PCM1: variants seen among roughly 807,000 people sequenced by gnomAD.
The protein encoded by PCM1 is pericentriolar material 1 protein.
A neutral mutation model predicts 241.9 loss-of-function variants in PCM1; 157 were observed. The ratio of observed to expected loss-of-function variants is 0.65; its 90% confidence interval spans 0.57 to 0.74. PCM1 has a LOEUF of 0.74. Ranked by LOEUF, PCM1 falls within the 30% of genes least tolerant of loss-of-function variation. The probability of loss-of-function intolerance (pLI) is 0.00; values close to 1 mark genes in which losing one functional copy is unlikely to be tolerated. For missense variants in PCM1, 3,478 were observed against 2,360.1 expected (o/e 1.47, Z -9.81); for synonymous variants, 1,085 against 784.9 (o/e 1.38, Z -6.39).
chr8:17,953,022 G>C lies in PCM1; in HGVS notation c.1124G>C (p.Arg375Thr), dbSNP rs537323704. The change falls in exon 9 of 39, where the codon AGG (arginine) becomes ACG (threonine). Residue 375 changes from arginine to threonine, a missense_variant. Coordinates refer to ENST00000325083, the MANE Select transcript of PCM1 (RefSeq NM_006197.4). ...CAGGCAGAAAGTCTTTCATTAACTA[G>C]GGAGGTTTCCCAGAGCAGGAAACCA... ...RRQAESLSLT[R>T]EVSQSRKPSA... is the part of the protein sequence containing the mutation. The C allele has an allele frequency of 4.0e-5, 64 of 1,608,516 alleles. No homozygotes were observed. In the South Asian group the frequency reaches 6.6e-4, roughly 17 times the overall value.
At chr8:17,981,195 C>G (rs1013187500) in intron 24 of PCM1, among the ~76,000 whole-genome samples, 1 of 152,164 alleles carries the variant, frequency 6.6e-6, no homozygotes, top group African/African-American at 2.4e-5. Context: ...CTGCCTTGAA[C>G]TTTTTTCTTT....
chr8:17,980,633 A>T lies in PCM1; in HGVS notation c.3986A>T (p.Lys1329Ile), dbSNP rs1302732964. The change falls in exon 24 of 39, where the codon AAA becomes ATA. Residue 1329 changes from lysine to isoleucine, a missense_variant. Physicochemically the swap from Lys to Ile is moderately radical, Grantham distance 102 (BLOSUM62 -3). Transcript: ENST00000325083. ...ATGTCTAGCACATGTGAACCTTGCA[A>T]AAGTAGGAACAGACATTCAGCCCAG... is the stretch of plus-strand genomic sequence containing the variant. Reference protein sequence around the residue: ...ASMSSTCEPCKSRNRHSAQTE... With the variant: ...ASMSSTCEPCISRNRHSAQTE... 3 of 1,612,946 alleles carry T rather than the reference A, an allele frequency of 1.9e-6. No individual in the cohort carries two copies. The African/African-American group carries it at 4.0e-5, about 22-fold the overall frequency.
chr8:18,013,748 C>G, intron 34 of PCM1: 1 of 426,166 alleles, frequency 2.3e-6, no homozygotes, highest in Non-Finnish European at 4.2e-6. Context: ...TTGTATTATA[C>G]TGTGTGTGTG....
In PCM1 at chr8:17,969,847, G is replaced by A. The variant is rs1564042756; in HGVS notation, c.3584+99G>A. The A allele has an allele frequency of 3.3e-6, 3 of 902,374 alleles. No individual in the cohort carries two copies. The East Asian group carries it at 7.7e-5, about 23-fold the overall frequency. 55.9% of individuals were successfully genotyped at this position (902,374 alleles called of 1,614,324 possible). A position where few individuals can be genotyped will look rare whatever the true frequency, so the allele number is the denominator to read the frequency against. ...AAACACAACTAGGGAGGACGTTTGT[G>A]ATGATTTGGCTTGATGATGTTGGAA... On this transcript the variant is annotated intron_variant, in intron 22 of 38. Transcript: ENST00000325083.
chr8:17,962,770 GT>G (rs2073054680), intron 16 of PCM1, among the ~76,000 whole-genome samples: 1 of 150,198 alleles, frequency 6.7e-6, no homozygotes, highest in Non-Finnish European at 1.5e-5. Flanking sequence ...AGGTGTAGTG[GT>G]GGGCGCCTGT....
At chr8:17,948,922 G>A (rs1394012568) in intron 7 of PCM1, among the ~76,000 whole-genome samples, 1 of 152,124 alleles carries the variant, frequency 6.6e-6, no homozygotes, top group Non-Finnish European at 1.5e-5. Context: ...GTTAGTCAGA[G>A]CTTTAATTCT....
chr8:17,948,743 G>A (rs1392147480), intron 7 of PCM1, among the ~76,000 whole-genome samples: 3 of 152,062 alleles, frequency 2.0e-5, no homozygotes, highest in Non-Finnish European at 4.4e-5. Flanking sequence ...AGATAATTTA[G>A]GAAAAGATAA....
rs1242232084 is a variant in PCM1 at position 18,006,274 on chromosome 8, T to G, written c.4839T>G (p.Asp1613Glu). The G allele has an allele frequency of 1.2e-6, 2 of 1,608,262 alleles. No individual in the cohort carries two copies. The highest frequency in any genetic ancestry group is 1.7e-5 in the Admixed American group (1 of 59,248). ...EVIPFLKEHM[D>E]EVCSSQLLTS... The stretch of plus-strand genomic sequence containing the variant: ...AGGATTTTTCTCAGGAGCACATGGA[T>G]GAAGTATGCTCCTCGCAGCTTCTAA... Residue 1613 changes from aspartate to glutamate, a missense_variant, in exon 30 of 39, where the codon GAT becomes GAG. Physicochemically the swap from Asp to Glu is conservative, Grantham distance 45 (BLOSUM62 2). Coordinates refer to ENST00000325083, the MANE Select transcript of PCM1 (RefSeq NM_006197.4).
At chr8:17,926,133 T>C (rs1300826203) in intron 2 of PCM1, 1 of 152,126 alleles carries the variant, frequency 6.6e-6, no homozygotes, top group Non-Finnish European at 1.5e-5. Flanking sequence ...TTTAGTAAAA[T>C]AAACAATAAT....
chr8:17,930,601 G>A (rs1172013171), intron 2 of PCM1, among the ~76,000 whole-genome samples: 6 of 151,810 alleles, frequency 4.0e-5, no homozygotes, highest in South Asian at 4.2e-4. Context: ...GAATGTGGCC[G>A]GGTGCGGTGG....
At chr8:17,997,299 C>T (rs1280142178) in intron 29 of PCM1, among the ~76,000 whole-genome samples, 3 of 152,116 alleles carry the variant, frequency 2.0e-5, no homozygotes, top group Admixed American at 2.0e-4. Flanking sequence ...TTTCTTTTCT[C>T]TTGCTGCTTT....
chr8:18,011,150 A>G (rs2092439872), intron 32 of PCM1, 87 bp from the exon 33 acceptor site: 1 of 818,800 alleles, frequency 1.2e-6, no homozygotes, highest in Non-Finnish European at 1.7e-6. Flanking sequence ...TTATTAGATA[A>G]TGATCATTAT....
chr8:17,983,234 A>T (rs1314966012), intron 24 of PCM1: 1 of 1,319,664 alleles, frequency 7.6e-7, no homozygotes, highest in Admixed American at 2.3e-5. Context: ...TTCCTACAGC[A>T]CATGCTAGGA....
At chr8:17,992,539 A>G (rs2085050982) in intron 28 of PCM1, among the ~76,000 whole-genome samples, 1 of 151,980 alleles carries the variant, frequency 6.6e-6, no homozygotes, top group Admixed American at 6.6e-5. Context: ...CAACATCACC[A>G]AAAAGTTTTT....
intron 28 of PCM1, among the ~76,000 whole-genome samples, chr8:17,992,461 T>A (rs988333178): frequency 6.6e-6 from 1 of 152,154 alleles, no homozygotes; most frequent in Admixed American, 6.6e-5. Flanking sequence ...TAGGATGGTA[T>A]CACATTGTAG....
chr8:17,929,925 C>T (rs73580028), intron 2 of PCM1, among the ~76,000 whole-genome samples: 6,211 of 152,214 alleles, frequency 0.041, 207 homozygotes, highest in African/African-American at 0.086. Flanking sequence ...CTCAAAATAA[C>T]GTACTTTACT....
Position 17,983,119 on chromosome 8 carries a change from A to G in PCM1, c.4109-2328A>G, listed in dbSNP as rs1200556172. 20 of 384,832 alleles carry G rather than the reference A, an allele frequency of 5.2e-5. No individual in the cohort carries two copies. The East Asian group carries it at 9.4e-4, about 18-fold the overall frequency. 23.8% of individuals were successfully genotyped at this position (384,832 alleles called of 1,614,324 possible). A position where few individuals can be genotyped will look rare whatever the true frequency, so the allele number is the denominator to read the frequency against. On this transcript the variant is annotated intron_variant, in intron 24 of 38. Transcript: ENST00000325083. ...GCGTAAGCCTTAGTTCAGGCAAACA[A>G]TTTTAAAGAAATTCGCTTATTTCTT...
In PCM1 at chr8:17,940,078, G is replaced by A. The variant is rs767614543; in HGVS notation, c.783+217G>A. On this transcript the variant is annotated intron_variant, in intron 6 of 38. Coordinates refer to ENST00000325083, the MANE Select transcript of PCM1 (RefSeq NM_006197.4). ...TGAGGAGGAGGATGTTCGGACTATAGATTCAGCTGTGGGATCTGGTTCTGT... is the reference window on the plus strand; with the variant it reads ...TGAGGAGGAGGATGTTCGGACTATAAATTCAGCTGTGGGATCTGGTTCTGT... 10 of 1,580,990 alleles carry A rather than the reference G, an allele frequency of 6.3e-6. No individual in the cohort carries two copies. The African/African-American group carries it at 1.1e-4, about 17-fold the overall frequency.
intron 29 of PCM1, among the ~76,000 whole-genome samples, chr8:18,005,542 A>G (rs759695009): frequency 1.3e-5 from 2 of 152,128 alleles, no homozygotes; most frequent in Non-Finnish European, 2.9e-5. Context: ...AAGAAGGATT[A>G]GAACCTTGAG....
Sources: allele counts gnomAD v4.1 joint callset (sites outside exome capture counted in the v4.1 genomes callset), GRCh38; gene constraint gnomAD v4.1.1; transcripts MANE v1.5; gene names NCBI Gene and HGNC (gene_info 2026-07-23, HGNC 2026-07-21).